Variants in CSMD1 observed in about 807,000 individuals in gnomAD.
CSMD1 encodes CUB and Sushi multiple domains 1, also known as CUB and sushi domain-containing protein 1.
CSMD1 carries 213 observed loss-of-function variants against 417.5 expected under a neutral mutation model. The observed-to-expected ratio is 0.51, with a 90% CI of 0.46 to 0.57. The LOEUF is 0.57. CSMD1 is among the 20% of genes least tolerant of loss of function. The pLI is 0.00. For missense variants in CSMD1, 6,923 were observed against 4,529.7 expected (o/e 1.53, Z -15.17); for synonymous variants, 2,862 against 1,736.8 (o/e 1.65, Z -16.11).
intron 7 of CSMD1, among the ~76,000 whole-genome samples, chr8:3,639,093 G>T (rs1435242163): frequency 6.6e-6 from 1 of 152,054 alleles, no homozygotes; most frequent in Admixed American, 6.5e-5. Context: ...CCACAAATTG[G>T]AAAAATGCAA....
chr8:4,744,741 G>C (rs1051560196), intron 1 of CSMD1, among the ~76,000 whole-genome samples: 5 of 152,042 alleles, frequency 3.3e-5, no homozygotes, highest in African/African-American at 9.7e-5. Flanking sequence ...ATACTAATTA[G>C]TGTATGAAGC....
At chr8:3,334,079 G>T (rs954251023) in intron 23 of CSMD1, among the ~76,000 whole-genome samples, 10 of 152,314 alleles carry the variant, frequency 6.6e-5, no homozygotes, top group Admixed American at 4.6e-4. Context: ...GGCATTGAAA[G>T]AATCTATATG....
intron 18 of CSMD1, among the ~76,000 whole-genome samples, chr8:3,370,975 CA>C (rs58410294): frequency 1.7e-3 from 240 of 142,942 alleles, no homozygotes; most frequent in Admixed American, 5.3e-3. Flanking sequence ...CAAACTCCAT[CA>C]AAAAAAAAAA....
intron 50 of CSMD1, among the ~76,000 whole-genome samples, chr8:3,041,917 T>C (rs568235195): frequency 6.6e-6 from 1 of 152,346 alleles, no homozygotes; most frequent in Non-Finnish European, 1.5e-5. Flanking sequence ...AAAATGTCTT[T>C]TGACATCACG....
At chr8:3,214,387 T>C in intron 30 of CSMD1, 110 bp downstream of exon 30, 1 of 926,686 alleles carries the variant, frequency 1.1e-6, no homozygotes, top group Non-Finnish European at 1.6e-6. Flanking sequence ...TAAGCAATCC[T>C]CACCACCGAT....
At chr8:4,723,488 C>A (rs996622556) in intron 1 of CSMD1, among the ~76,000 whole-genome samples, 2 of 152,244 alleles carry the variant, frequency 1.3e-5, no homozygotes, top group African/African-American at 2.4e-5. Flanking sequence ...TGTTACCTGA[C>A]AACACGTCCA....
intron 2 of CSMD1, among the ~76,000 whole-genome samples, chr8:4,450,276 T>A (rs1452822743): frequency 4.6e-5 from 7 of 152,156 alleles, no homozygotes; most frequent in Non-Finnish European, 1.0e-4. Flanking sequence ...GCACACAACA[T>A]GGGAGAAAGC....
At chr8:3,840,047 G>C (rs974319689) in intron 5 of CSMD1, among the ~76,000 whole-genome samples, 1 of 152,030 alleles carries the variant, frequency 6.6e-6, no homozygotes, top group Admixed American at 6.6e-5. Context: ...GGAATCCTCT[G>C]GGTTGATTTT....
intron 12 of CSMD1, among the ~76,000 whole-genome samples, chr8:3,445,290 G>A (rs1036222859): frequency 3.3e-5 from 5 of 152,102 alleles, no homozygotes; most frequent in East Asian, 1.9e-4. Flanking sequence ...TTTTGGGGAC[G>A]TCACTAAGGT....
At chr8:4,206,363 G>A (rs917909064) in intron 3 of CSMD1, among the ~76,000 whole-genome samples, 1 of 151,580 alleles carries the variant, frequency 6.6e-6, no homozygotes, top group African/African-American at 2.4e-5. Flanking sequence ...ACCCACCACA[G>A]GCCCCGGTAT....
At chr8:4,228,872 G>A (rs186893823) in intron 3 of CSMD1, among the ~76,000 whole-genome samples, 24 of 151,962 alleles carry the variant, frequency 1.6e-4, no homozygotes, top group Non-Finnish European at 2.4e-4. Flanking sequence ...AGTAGAGACC[G>A]GCTTTCCCCA....
chr8:4,313,049 C>T (rs975536872), intron 3 of CSMD1, among the ~76,000 whole-genome samples: 2 of 152,062 alleles, frequency 1.3e-5, no homozygotes, highest in African/African-American at 2.4e-5. Context: ...ATAGAATAAA[C>T]TACAAATGAA....
intron 7 of CSMD1, among the ~76,000 whole-genome samples, chr8:3,696,875 T>C (rs1280663470): frequency 2.0e-5 from 3 of 152,210 alleles, no homozygotes; most frequent in Admixed American, 6.5e-5. Flanking sequence ...GTGTAGCTCA[T>C]ATGAACTCCC....
intron 3 of CSMD1, among the ~76,000 whole-genome samples, chr8:4,067,657 A>C (rs1049855114): frequency 6.6e-6 from 1 of 152,228 alleles, no homozygotes; most frequent in Admixed American, 6.5e-5. Flanking sequence ...AAAAAGAATA[A>C]AATGCAGTCT....
Position 4,397,532 on chromosome 8 carries a change from T to C in CSMD1, c.415+22421A>G, listed in dbSNP as rs1031254508. On this transcript the variant is annotated intron_variant, in intron 3 of 69. Coordinates refer to ENST00000635120, the MANE Select transcript of CSMD1 (RefSeq NM_033225.6). ...CAACAAGCCTGAGACTCTTTTTTTT[T>C]TTTTTTTTTTTTTTTTTTTTGAGAC... Among the ~76,000 whole-genome samples the C allele has an allele frequency of 9.1e-5, 12 of 131,922 alleles. No individual in the cohort carries two copies. The East Asian group carries it at 2.9e-3, about 32-fold the overall frequency. 86.5% of individuals were successfully genotyped at this position (131,922 alleles called of 152,430 possible).
rs191294098 is a variant in CSMD1, at chr8:4,728,328, T to A, written c.86-90770A>T. The stretch of plus-strand genomic sequence containing the variant: ...TTATATATTTTAGTGGTTCTCTTTT[T>A]AAAAATGCTCATTTGCTTAAGTAAT... On this transcript the variant is annotated intron_variant, in intron 1 of 69. Transcript: ENST00000635120. Among the ~76,000 whole-genome samples, 501 of 151,846 alleles carry A rather than the reference T, an allele frequency of 3.3e-3. 4 individuals carry two copies. The highest frequency in any genetic ancestry group is 0.012 in the African/African-American group (482 of 41,476).
chr8:4,429,644 G>C (rs922354722), intron 2 of CSMD1, among the ~76,000 whole-genome samples: 2 of 152,086 alleles, frequency 1.3e-5, no homozygotes, highest in African/African-American at 4.8e-5. Flanking sequence ...ATGCACAGAG[G>C]AGGGCCCTTC....
intron 7 of CSMD1, among the ~76,000 whole-genome samples, chr8:3,697,138 T>C (rs995034127): frequency 6.6e-6 from 1 of 152,148 alleles, no homozygotes; most frequent in African/African-American, 2.4e-5. Context: ...CATCATTCAG[T>C]CTAAATTGGC....
At chr8:3,470,068 C>G (rs978387033) in intron 11 of CSMD1, among the ~76,000 whole-genome samples, 4 of 151,542 alleles carry the variant, frequency 2.6e-5, no homozygotes, top group Non-Finnish European at 4.4e-5. Context: ...AACCGCCACA[C>G]AGATCAACAC....
Sources: allele counts gnomAD v4.1 joint callset (sites outside exome capture counted in the v4.1 genomes callset), GRCh38; gene constraint gnomAD v4.1.1; transcripts MANE v1.5; gene names NCBI Gene and HGNC (gene_info 2026-07-23, HGNC 2026-07-21).